Variants in FAAH2 observed in about 807,000 individuals in gnomAD.
FAAH2 encodes the protein fatty acid amide hydrolase 2, also known as fatty-acid amide hydrolase 2.
FAAH2 carries 60 observed loss-of-function variants against 36.9 expected under a neutral mutation model. The observed-to-expected ratio is 1.63, with a 90% CI of 1.32 to 2.02. FAAH2 has a LOEUF of 2.02. FAAH2 is among the 30% of genes most tolerant of loss of function. The pLI, the probability that FAAH2 is intolerant of heterozygous loss-of-function variation, is 0.00. For missense variants in FAAH2, 689 were observed against 397.5 expected, an observed-to-expected ratio of 1.73 and a Z score of -6.23; for synonymous variants, 214 against 143.8, an observed-to-expected ratio of 1.49 and a Z score of -3.49.
the FAAH2 span, among the ~76,000 whole-genome samples, chrX:57,158,786 C>T: frequency 1.1e-4 from 12 of 111,891 alleles, no homozygotes; most frequent in Admixed American, 1.9e-4. Flanking sequence ...TTCTCCCATT[C>T]TGCAGGTTGC....
chrX:57,367,733 G>C lies in FAAH2; in HGVS notation c.743-10918G>C, dbSNP rs754854982. Among the ~76,000 whole-genome samples, 3 of 111,659 alleles carry C rather than the reference G, an allele frequency of 2.7e-5. No individual in the cohort carries two copies. The South Asian group carries it at 1.1e-3, about 42-fold the overall frequency. On this transcript the variant is annotated intron_variant, in intron 5 of 10. Transcript: ENST00000374900. ...TCAGAACTAAGGGGGACTTCCCTCTGCACCAGAAAGTAAGAAGGAGGTTTC... is the reference window on the plus strand; with the variant it reads ...TCAGAACTAAGGGGGACTTCCCTCTCCACCAGAAAGTAAGAAGGAGGTTTC...
intron 7 of FAAH2, among the ~76,000 whole-genome samples, chrX:57,382,744 G>T (rs2054889162): frequency 9.0e-6 from 1 of 111,038 alleles, no homozygotes; most frequent in African/African-American, 3.3e-5. Context: ...TTCTACCAGA[G>T]GTACAAGGAG....
intron 1 of FAAH2, among the ~76,000 whole-genome samples, chrX:57,292,198 T>C (rs2052005494): frequency 9.0e-6 from 1 of 111,626 alleles, no homozygotes; most frequent in Non-Finnish European, 1.9e-5. Flanking sequence ...GCTAGTTTAG[T>C]ATATATACAT....
chrX:57,166,986 C>T, the FAAH2 span, among the ~76,000 whole-genome samples: 12 of 111,522 alleles, frequency 1.1e-4, no homozygotes, highest in African/African-American at 1.6e-4. Context: ...CACCATGAAG[C>T]TTATATGACC....
At chrX:57,414,945 G>A (rs2055802587) in intron 7 of FAAH2, among the ~76,000 whole-genome samples, 1 of 106,313 alleles carries the variant, frequency 9.4e-6, no homozygotes, top group South Asian at 4.2e-4. Flanking sequence ...CTTCTTTTTG[G>A]TTTAGTCTTG....
the FAAH2 span, among the ~76,000 whole-genome samples, chrX:57,259,828 C>A: frequency 9.0e-6 from 1 of 111,412 alleles, no homozygotes; most frequent in African/African-American, 3.3e-5. Context: ...TTCATTATAC[C>A]TTAACAAAGC....
the FAAH2 span, among the ~76,000 whole-genome samples, chrX:57,219,161 A>G: frequency 5.4e-5 from 6 of 111,913 alleles, no homozygotes; most frequent in African/African-American, 2.0e-4. Flanking sequence ...CTTCCTGTTT[A>G]CAGGAGACTG....
At chrX:57,484,143 C>A (rs959753912) in intron 10 of FAAH2, among the ~76,000 whole-genome samples, 1 of 110,867 alleles carries the variant, frequency 9.0e-6, no homozygotes, top group Non-Finnish European at 1.9e-5. Flanking sequence ...CTTTGACCTG[C>A]TGGCCAGGGG....
At chrX:57,330,725 G>A (rs956095428) in intron 3 of FAAH2, among the ~76,000 whole-genome samples, 2 of 111,366 alleles carry the variant, frequency 1.8e-5, no homozygotes, top group African/African-American at 6.5e-5. Flanking sequence ...TCTTTCTTTT[G>A]TACTCTGTTC....
the FAAH2 span, among the ~76,000 whole-genome samples, chrX:57,174,239 CTTT>C: frequency 9.5e-6 from 1 of 105,742 alleles, no homozygotes; most frequent in African/African-American, 3.4e-5. Context: ...TGGCAGTTTT[CTTT>C]TTTTAATTAT....
intron 3 of FAAH2, among the ~76,000 whole-genome samples, chrX:57,320,522 G>A (rs2052989231): frequency 8.9e-6 from 1 of 112,285 alleles, no homozygotes; most frequent in Admixed American, 9.4e-5. Context: ...GGAAGCAACA[G>A]ATGCTGGAGA....
intron 5 of FAAH2, among the ~76,000 whole-genome samples, chrX:57,373,569 G>T (rs1170007562): frequency 9.1e-6 from 1 of 110,287 alleles, no homozygotes; most frequent in Non-Finnish European, 1.9e-5. Context: ...ATTTTTGATG[G>T]CATTGTTTTC....
the FAAH2 span, among the ~76,000 whole-genome samples, chrX:57,276,828 A>G: frequency 8.9e-6 from 1 of 112,253 alleles, no homozygotes; most frequent in Admixed American, 9.4e-5. Flanking sequence ...AATCTAGAAG[A>G]AATGGATGAA....
the FAAH2 span, among the ~76,000 whole-genome samples, chrX:57,235,913 C>A: frequency 8.9e-6 from 1 of 112,306 alleles, no homozygotes. Context: ...TTATTGCCAT[C>A]CCACTATGTA....
At chrX:57,177,388 G>A in the FAAH2 span, among the ~76,000 whole-genome samples, 1 of 105,971 alleles carries the variant, frequency 9.4e-6, no homozygotes, top group Non-Finnish European at 1.9e-5. Flanking sequence ...AACCTGGAAG[G>A]CACTCCTCCT....
At chrX:57,270,372 T>G in the FAAH2 span, among the ~76,000 whole-genome samples, 1 of 110,775 alleles carries the variant, frequency 9.0e-6, no homozygotes, top group South Asian at 3.8e-4. Context: ...TTCTATGAGG[T>G]CAGCATCATC....
At position 57,331,827 on chromosome X, in the gene FAAH2, A is replaced by C; in HGVS notation, c.622+20A>C. 8.7e-7 allele frequency: 1 copy of C among 1,146,277 alleles called. No homozygotes were observed. The highest frequency in any genetic ancestry group is 1.8e-5 in the South Asian group (1 of 55,299). The allele number at this position is 1,146,277 out of a possible 1,213,427, so 94.5% of individuals were successfully genotyped here. ...GTTCTGGTGAGTTGGACATTTTAGT[A>C]TGGCATGAATAGCTATGCTAACAAT... On this transcript the variant is annotated intron_variant, in intron 4 of 10. Transcript: ENST00000374900.
chrX:57,447,722 C>T (rs2056705284), intron 9 of FAAH2, among the ~76,000 whole-genome samples: 1 of 55,601 alleles, frequency 1.8e-5, no homozygotes, highest in African/African-American at 5.3e-5. Context: ...GGCTGGAATG[C>T]AGGGCACCAA....
intron 7 of FAAH2, among the ~76,000 whole-genome samples, chrX:57,403,284 T>C (rs1283504397): frequency 8.9e-6 from 1 of 112,424 alleles, no homozygotes; most frequent in Non-Finnish European, 1.9e-5. Context: ...GTGGTCCTAA[T>C]GCTTATTCCT....
Sources: allele counts gnomAD v4.1 joint callset (sites outside exome capture counted in the v4.1 genomes callset), GRCh38; gene constraint gnomAD v4.1.1; transcripts MANE v1.5; gene names NCBI Gene and HGNC (gene_info 2026-07-23, HGNC 2026-07-21).